SIL1: variants seen among roughly 807,000 people sequenced by gnomAD.
SIL1 encodes nucleotide exchange factor SIL1.
A neutral mutation model predicts 49.1 loss-of-function variants in SIL1; 40 were observed. That is an observed-to-expected ratio of 0.81 (90% CI 0.63 to 1.06). The LOEUF is 1.06. Among genes scored for constraint, SIL1 ranks in the 50% least tolerant of loss-of-function variants. SIL1 has a pLI of 0.00. For synonymous variants in SIL1, 253 were observed against 250.8 expected (o/e 1.01, Z -0.08); for missense variants, 500 against 572.6 (o/e 0.87, Z 1.29).
chr5:139,015,786 T>C (rs1443074463), intron 7 of SIL1, among the ~76,000 whole-genome samples: 1 of 152,248 alleles, frequency 6.6e-6, no homozygotes, highest in Non-Finnish European at 1.5e-5. Context: ...CACATGGCCA[T>C]CTCTAAACTA....
At chr5:138,957,920 CTTT>C (rs528121887) in intron 7 of SIL1, among the ~76,000 whole-genome samples, 26 of 141,176 alleles carry the variant, frequency 1.8e-4, no homozygotes, top group African/African-American at 5.7e-4. Context: ...TTAAGAAACA[CTTT>C]TTTTTTTTTT....
intron 7 of SIL1, among the ~76,000 whole-genome samples, chr5:139,004,556 G>A (rs966385878): frequency 4.6e-5 from 7 of 151,938 alleles, no homozygotes; most frequent in African/African-American, 1.7e-4. Context: ...TTCTGTCTAT[G>A]CTGCACTTTA....
intron 3 of SIL1, among the ~76,000 whole-genome samples, chr5:139,082,196 A>T (rs1770096507): frequency 6.6e-6 from 1 of 152,214 alleles, no homozygotes; most frequent in Non-Finnish European, 1.5e-5. Context: ...AACAGAAATT[A>T]CCAGGCATTT....
chr5:139,118,372 C>CT (rs1660086416), intron 3 of SIL1, among the ~76,000 whole-genome samples: 1 of 152,214 alleles, frequency 6.6e-6, no homozygotes, highest in African/African-American at 2.4e-5. Flanking sequence ...ATCAGAACAG[C>CT]TGTGTACTGA....
intron 7 of SIL1, among the ~76,000 whole-genome samples, chr5:138,952,118 C>T (rs954719557): frequency 6.6e-6 from 1 of 152,258 alleles, no homozygotes; most frequent in African/African-American, 2.4e-5. Flanking sequence ...AGCCCCCACT[C>T]CCCAGCAGCC....
intron 1 of SIL1, among the ~76,000 whole-genome samples, chr5:139,144,511 T>C (rs570523152): frequency 6.6e-6 from 1 of 152,296 alleles, no homozygotes. Flanking sequence ...CTCACATCTC[T>C]ATAGTCAACT....
intron 3 of SIL1, among the ~76,000 whole-genome samples, chr5:139,116,310 CTTTT>C (rs1172810757): frequency 6.6e-6 from 1 of 152,006 alleles, no homozygotes; most frequent in Non-Finnish European, 1.5e-5. Context: ...GAATTTTTTT[CTTTT>C]TCTTTTTTTT....
At chr5:139,111,841 C>A (rs916165163) in intron 3 of SIL1, among the ~76,000 whole-genome samples, 3 of 152,072 alleles carry the variant, frequency 2.0e-5, no homozygotes, top group Admixed American at 2.0e-4. Context: ...CCCCTCTCCC[C>A]ACTCCCCACG....
chr5:139,161,833 CA>C (rs1402575354), intron 1 of SIL1, among the ~76,000 whole-genome samples: 1 of 151,670 alleles, frequency 6.6e-6, no homozygotes, highest in Non-Finnish European at 1.5e-5. Context: ...GGCAACATGG[CA>C]AAACCCCATC....
intron 4 of SIL1, among the ~76,000 whole-genome samples, chr5:139,050,300 C>G (rs1305500772): frequency 6.6e-6 from 1 of 152,080 alleles, no homozygotes; most frequent in Non-Finnish European, 1.5e-5. Context: ...CAACTCCATG[C>G]CTCAACCTCC....
chr5:139,099,070 G>A (rs1395834708), intron 3 of SIL1, among the ~76,000 whole-genome samples: 4 of 152,036 alleles, frequency 2.6e-5, no homozygotes, highest in African/African-American at 9.7e-5. Context: ...CCCCCTCTCA[G>A]CCTCCCAAAG....
chr5:138,995,066 A>G (rs1489492911), intron 7 of SIL1, among the ~76,000 whole-genome samples: 1 of 152,116 alleles, frequency 6.6e-6, no homozygotes, highest in Non-Finnish European at 1.5e-5. Flanking sequence ...CTGCATATGT[A>G]CCACATTTTC....
At chr5:139,018,173 G>A (rs1267574245) in intron 7 of SIL1, among the ~76,000 whole-genome samples, 1 of 151,900 alleles carries the variant, frequency 6.6e-6, no homozygotes, top group Non-Finnish European at 1.5e-5. Flanking sequence ...CTCTCTTCTC[G>A]ATCTTGGAAT....
intron 3 of SIL1, among the ~76,000 whole-genome samples, chr5:139,092,092 A>G (rs886108120): frequency 6.6e-6 from 1 of 152,160 alleles, no homozygotes; most frequent in Non-Finnish European, 1.5e-5. Context: ...TGGGAGCAGG[A>G]GGTGAAGAAA....
intron 7 of SIL1, among the ~76,000 whole-genome samples, chr5:138,959,934 G>T (rs937816106): frequency 3.3e-5 from 5 of 152,136 alleles, no homozygotes; most frequent in African/African-American, 1.2e-4. Flanking sequence ...TGAGCCAGGG[G>T]GTCCCCAACA....
At chr5:139,056,079 T>C (rs1460465960) in intron 3 of SIL1, among the ~76,000 whole-genome samples, 1 of 151,730 alleles carries the variant, frequency 6.6e-6, no homozygotes, top group South Asian at 2.1e-4. Context: ...TTGCAGCCTC[T>C]GCCCGGCCGC....
chr5:139,131,512 C>T (rs554125528), intron 1 of SIL1: 1 of 152,340 alleles, frequency 6.6e-6, no homozygotes, highest in South Asian at 2.1e-4. Context: ...TGCAAAAAAG[C>T]ACAGCCAAAT....
At chr5:139,038,144 A>C (rs1326940408) in intron 5 of SIL1, among the ~76,000 whole-genome samples, 1 of 152,160 alleles carries the variant, frequency 6.6e-6, no homozygotes, top group South Asian at 2.1e-4. Flanking sequence ...CAAACATCAC[A>C]TTGCAGGGTT....
Position 139,056,557 on chromosome 5 carries a change from G to GC in SIL1, c.245-5512dup, listed in dbSNP as rs1166561965. The stretch of plus-strand genomic sequence containing the variant: ...GTCCGGGAGGGAGGTGGGGGGGTCA[G>GC]CCCCCCGACCGGCCAGCCGCCCCGT... On this transcript the variant is annotated intron_variant, in intron 3 of 9. Coordinates refer to ENST00000394817, the MANE Select transcript of SIL1 (RefSeq NM_022464.5). Among the ~76,000 whole-genome samples the GC allele has an allele frequency of 2.0e-5, 3 of 150,616 alleles. 1 individual carries two copies. Among genetic ancestry groups the GC allele is most frequent in the Middle Eastern group, 7.0e-3 (2 of 284 alleles).
Sources: allele counts gnomAD v4.1 joint callset (sites outside exome capture counted in the v4.1 genomes callset), GRCh38; gene constraint gnomAD v4.1.1; transcripts MANE v1.5; gene names NCBI Gene and HGNC (gene_info 2026-07-23, HGNC 2026-07-21).